The following LHFPL3 variants were observed in gnomAD, a reference collection of about 807,000 sequenced individuals.
LHFPL3 encodes the protein LHFPL tetraspan subfamily member 3.
Under a neutral mutation model 19.3 loss-of-function variants are expected in LHFPL3, and 5 were observed. The observed-to-expected ratio is 0.26, with a 90% CI of 0.14 to 0.54. The LOEUF (loss-of-function observed/expected upper bound fraction) is 0.54. Ranked by LOEUF, LHFPL3 falls within the 20% of genes least tolerant of loss-of-function variation. LHFPL3 has a pLI of 0.94. For synonymous variants in LHFPL3, 133 were observed against 126.2 expected (o/e 1.05, Z -0.36); for missense variants, 249 against 307.4 (o/e 0.81, Z 1.42).
intron 1 of LHFPL3, among the ~76,000 whole-genome samples, chr7:104,431,748 C>G (rs1792006775): frequency 6.6e-6 from 1 of 152,140 alleles, no homozygotes; most frequent in African/African-American, 2.4e-5. Context: ...ATTACTTTGT[C>G]TCTTTGCATC....
chr7:104,402,227 A>T (rs1299325695), intron 1 of LHFPL3, among the ~76,000 whole-genome samples: 1 of 152,232 alleles, frequency 6.6e-6, no homozygotes, highest in Non-Finnish European at 1.5e-5. Flanking sequence ...ATAAAACAAA[A>T]GTATTCTCTT....
intron 1 of LHFPL3, among the ~76,000 whole-genome samples, chr7:104,522,615 G>T (rs1794093085): frequency 6.6e-6 from 1 of 152,086 alleles, no homozygotes; most frequent in Non-Finnish European, 1.5e-5. Flanking sequence ...AGAAGATATG[G>T]TTCCTAGCCT....
intron 2 of LHFPL3, among the ~76,000 whole-genome samples, chr7:104,817,454 C>CT (rs1790576572): frequency 1.3e-5 from 2 of 152,340 alleles, no homozygotes; most frequent in Admixed American, 6.5e-5. Flanking sequence ...AACACCACAT[C>CT]TTTAAACAAC....
At chr7:104,445,854 T>C (rs1267906290) in intron 1 of LHFPL3, among the ~76,000 whole-genome samples, 5 of 152,216 alleles carry the variant, frequency 3.3e-5, no homozygotes, top group African/African-American at 1.2e-4. Context: ...TGCATGCTAA[T>C]AGCAGAGAAG....
At chr7:104,545,278 T>G (rs1281285788) in intron 1 of LHFPL3, among the ~76,000 whole-genome samples, 1 of 152,188 alleles carries the variant, frequency 6.6e-6, no homozygotes, top group South Asian at 2.1e-4. Flanking sequence ...CCTCACCATA[T>G]GGCATCAGCC....
chr7:104,621,620 G>A (rs1398659687), intron 1 of LHFPL3, among the ~76,000 whole-genome samples: 1 of 152,172 alleles, frequency 6.6e-6, no homozygotes, highest in Non-Finnish European at 1.5e-5. Flanking sequence ...TCATATTGCC[G>A]TCTGTGGAGA....
chr7:104,588,945 AT>A (rs1790644655), intron 1 of LHFPL3, among the ~76,000 whole-genome samples: 3 of 152,184 alleles, frequency 2.0e-5, no homozygotes, highest in African/African-American at 7.2e-5. Flanking sequence ...AATGCTGGTG[AT>A]TTTTGCACAT....
intron 1 of LHFPL3, among the ~76,000 whole-genome samples, chr7:104,682,439 A>G (rs780702971): frequency 1.3e-5 from 2 of 152,244 alleles, no homozygotes; most frequent in South Asian, 2.1e-4. Flanking sequence ...TTTGAAAAGC[A>G]TAGTTATTAG....
chr7:104,646,889 G>A (rs1791945463), intron 1 of LHFPL3, among the ~76,000 whole-genome samples: 1 of 152,158 alleles, frequency 6.6e-6, no homozygotes, highest in Admixed American at 6.5e-5. Context: ...ACATGAATAA[G>A]CACAGTGCCT....
intron 1 of LHFPL3, among the ~76,000 whole-genome samples, chr7:104,653,710 A>G (rs1027684186): frequency 1.3e-5 from 2 of 152,272 alleles, no homozygotes; most frequent in South Asian, 2.1e-4. Flanking sequence ...TCATCATTCA[A>G]ATTTTCATAG....
At chr7:104,863,453 A>G (rs1240607696) in intron 2 of LHFPL3, among the ~76,000 whole-genome samples, 1 of 152,222 alleles carries the variant, frequency 6.6e-6, no homozygotes, top group East Asian at 1.9e-4. Context: ...TAACCAAAAT[A>G]TAAGTGCTGT....
At chr7:104,398,202 A>G (rs1200984133) in intron 1 of LHFPL3, among the ~76,000 whole-genome samples, 1 of 152,186 alleles carries the variant, frequency 6.6e-6, no homozygotes. Flanking sequence ...GAGGACCAAC[A>G]TCTTGTAACA....
At chr7:104,390,884 T>A (rs1353129144) in intron 1 of LHFPL3, among the ~76,000 whole-genome samples, 5 of 152,232 alleles carry the variant, frequency 3.3e-5, no homozygotes. Flanking sequence ...TTCTAACTGG[T>A]ATGAGATGGT....
At chr7:104,821,669 T>C (rs1790678163) in intron 2 of LHFPL3, among the ~76,000 whole-genome samples, 1 of 152,188 alleles carries the variant, frequency 6.6e-6, no homozygotes, top group African/African-American at 2.4e-5. Flanking sequence ...CAGCATAATC[T>C]ACAGTGTGAC....
At chr7:104,499,727 A>T (rs1793561846) in intron 1 of LHFPL3, among the ~76,000 whole-genome samples, 1 of 152,240 alleles carries the variant, frequency 6.6e-6, no homozygotes, top group African/African-American at 2.4e-5. Flanking sequence ...CGCTTAAATC[A>T]TTAAACTAAT....
intron 1 of LHFPL3, among the ~76,000 whole-genome samples, chr7:104,569,663 G>T (rs1208309660): frequency 6.6e-6 from 1 of 151,994 alleles, no homozygotes; most frequent in Non-Finnish European, 1.5e-5. Context: ...CTTAATGATG[G>T]CTAATATTTT....
intron 1 of LHFPL3, among the ~76,000 whole-genome samples, chr7:104,647,764 G>A (rs1791957726): frequency 6.6e-6 from 1 of 152,158 alleles, no homozygotes; most frequent in Non-Finnish European, 1.5e-5. Flanking sequence ...TCTCTTTTAT[G>A]TTCCTTTAGG....
intron 1 of LHFPL3, among the ~76,000 whole-genome samples, chr7:104,581,743 C>T (rs897786028): frequency 1.3e-5 from 2 of 151,974 alleles, no homozygotes; most frequent in African/African-American, 4.8e-5. Flanking sequence ...AAAAGGCTTT[C>T]TTTTCCCATT....
intron 2 of LHFPL3, chr7:104,759,749 A>G (rs1222085917): frequency 6.6e-6 from 1 of 152,218 alleles, no homozygotes; most frequent in African/African-American, 2.4e-5. Flanking sequence ...AGGGAAGAGG[A>G]AAAGCACCAA....
Sources: allele counts gnomAD v4.1 joint callset (sites outside exome capture counted in the v4.1 genomes callset), GRCh38; gene constraint gnomAD v4.1.1; transcripts MANE v1.5; gene names NCBI Gene and HGNC (gene_info 2026-07-23, HGNC 2026-07-21).